ERBB4: variants seen among roughly 807,000 people sequenced by gnomAD.
ERBB4 encodes erb-b2 receptor tyrosine kinase 4, also known as receptor tyrosine-protein kinase erbB-4.
ERBB4 carries 42 observed loss-of-function variants against 158.0 expected under a neutral mutation model. The observed-to-expected ratio is 0.27, with a 90% CI of 0.21 to 0.34. The LOEUF is 0.34. Among genes scored for constraint, ERBB4 ranks in the 10% least tolerant of loss-of-function variants. The pLI, the probability that ERBB4 is intolerant of heterozygous loss-of-function variation, is 1.00. For missense variants in ERBB4, 1,333 were observed against 1,624.1 expected, an observed-to-expected ratio of 0.82 and a Z score of 3.08; for synonymous variants, 583 against 558.7, an observed-to-expected ratio of 1.04 and a Z score of -0.61.
At chr2:212,036,700 G>A (rs1053551651) in intron 2 of ERBB4, among the ~76,000 whole-genome samples, 2 of 152,048 alleles carry the variant, frequency 1.3e-5, no homozygotes, top group Admixed American at 1.3e-4. Flanking sequence ...TCCTGACCTC[G>A]TGATCCTCCC....
chr2:212,362,403 A>G (rs1465288933), intron 1 of ERBB4, among the ~76,000 whole-genome samples: 5 of 151,334 alleles, frequency 3.3e-5, no homozygotes, highest in African/African-American at 1.2e-4. Flanking sequence ...ATACTCACAC[A>G]TTATATTTTC....
chr2:211,818,021 T>G (rs1247879440), intron 3 of ERBB4, among the ~76,000 whole-genome samples: 1 of 152,226 alleles, frequency 6.6e-6, no homozygotes, highest in Non-Finnish European at 1.5e-5. Context: ...TCATTGACTC[T>G]GTATCTTAAT....
rs139068904 is a variant in ERBB4 at position 211,956,994 on chromosome 2, C to T, written c.235-9378G>A. 5.9e-4 allele frequency among the ~76,000 whole-genome samples: 90 copies of T among 152,026 alleles called. No individual in the cohort carries two copies. The East Asian group carries it at 0.015, about 26-fold the overall frequency. On this transcript the variant is annotated intron_variant, in intron 2 of 27. Coordinates refer to ENST00000342788, the MANE Select transcript of ERBB4 (RefSeq NM_005235.3). ...CTACAGCTACACAACACCACACCAA[C>T]CTAATTTTTTTTCCAGTAGAGATGG...
intron 2 of ERBB4, among the ~76,000 whole-genome samples, 180 bp from the exon 3 acceptor site, chr2:211,947,796 C>A (rs1265598944): frequency 6.6e-6 from 1 of 152,118 alleles, no homozygotes; most frequent in Non-Finnish European, 1.5e-5. Flanking sequence ...GGGTTAGAAT[C>A]TCATTTGAAG....
intron 1 of ERBB4, among the ~76,000 whole-genome samples, chr2:212,326,444 T>A (rs778210917): frequency 2.7e-5 from 4 of 150,622 alleles, no homozygotes; most frequent in Admixed American, 6.6e-5. Flanking sequence ...CCTGGCCAAA[T>A]ATTTGGTGAA....
intron 21 of ERBB4, among the ~76,000 whole-genome samples, chr2:211,429,934 T>C (rs1254522432): frequency 2.0e-5 from 3 of 152,166 alleles, no homozygotes; most frequent in Non-Finnish European, 4.4e-5. Flanking sequence ...TGAAGCCATG[T>C]GATTTATAGA....
chr2:211,716,988 T>C (rs2073939675), intron 7 of ERBB4, among the ~76,000 whole-genome samples: 1 of 152,192 alleles, frequency 6.6e-6, no homozygotes, highest in Non-Finnish European at 1.5e-5. Flanking sequence ...GTTGACAGCT[T>C]TCAGGTGAAT....
chr2:211,569,374 T>G (rs2067647038), intron 19 of ERBB4, among the ~76,000 whole-genome samples: 1 of 152,216 alleles, frequency 6.6e-6, no homozygotes, highest in Non-Finnish European at 1.5e-5. Context: ...TATTGAGAAC[T>G]TGCTAGGTGC....
chr2:212,464,536 A>G (rs1376561489), intron 1 of ERBB4, among the ~76,000 whole-genome samples: 1 of 152,118 alleles, frequency 6.6e-6, no homozygotes, highest in African/African-American at 2.4e-5. Flanking sequence ...GAACCAATAA[A>G]GAATTTAATT....
intron 4 of ERBB4, among the ~76,000 whole-genome samples, chr2:211,773,228 G>A (rs1365183578): frequency 2.0e-5 from 3 of 150,858 alleles, no homozygotes; most frequent in East Asian, 3.9e-4. Context: ...AGACCAGAGA[G>A]GTGAAGCTAT....
chr2:212,287,022 A>C (rs1233790685), intron 1 of ERBB4, among the ~76,000 whole-genome samples: 2 of 151,618 alleles, frequency 1.3e-5, no homozygotes, highest in Non-Finnish European at 2.9e-5. Context: ...TCTGAGAGAC[A>C]AGTAACCATA....
At chr2:211,752,125 G>T (rs937430220) in intron 4 of ERBB4, among the ~76,000 whole-genome samples, 7 of 151,954 alleles carry the variant, frequency 4.6e-5, no homozygotes, top group African/African-American at 1.7e-4. Context: ...ACTCCATCTG[G>T]CCTGAACAAT....
chr2:211,653,387 G>T (rs1293706861), intron 16 of ERBB4, among the ~76,000 whole-genome samples: 1 of 152,010 alleles, frequency 6.6e-6, no homozygotes, highest in Non-Finnish European at 1.5e-5. Flanking sequence ...GCTTGGGAAA[G>T]AATAACATTG....
In ERBB4 at chr2:211,569,291, G is replaced by A. The variant is rs373587925; in HGVS notation, c.2302-7203C>T. Among the ~76,000 whole-genome samples the A allele has an allele frequency of 4.6e-5, 7 of 151,966 alleles. No individual in the cohort carries two copies. The East Asian group carries it at 5.8e-4, about 13-fold the overall frequency. On this transcript the variant is annotated intron_variant, in intron 19 of 27. Coordinates refer to ENST00000342788, the MANE Select transcript of ERBB4 (RefSeq NM_005235.3). ...TTTTCCCTCTTTTTTCTTCCACTCC[G>A]GATTACACTGAAATTCCATCTTTAT... is the stretch of plus-strand genomic sequence containing the variant.
intron 3 of ERBB4, among the ~76,000 whole-genome samples, chr2:211,859,119 C>T (rs972124572): frequency 6.6e-6 from 1 of 152,124 alleles, no homozygotes. Flanking sequence ...TAATATTGTC[C>T]TCTGCCTCTG....
At chr2:211,888,535 C>T (rs2078865676) in intron 3 of ERBB4, among the ~76,000 whole-genome samples, 1 of 151,960 alleles carries the variant, frequency 6.6e-6, no homozygotes, top group Non-Finnish European at 1.5e-5. Context: ...CATTTCACGA[C>T]AGGGGAGGAG....
At chr2:211,433,003 A>G (rs567945065) in intron 20 of ERBB4, among the ~76,000 whole-genome samples, 38 of 152,308 alleles carry the variant, frequency 2.5e-4, no homozygotes, top group Non-Finnish European at 3.7e-4. Context: ...AAGCAGTACC[A>G]AGGCCTAAGT....
At chr2:212,009,595 A>C (rs2076337173) in intron 2 of ERBB4, among the ~76,000 whole-genome samples, 1 of 152,160 alleles carries the variant, frequency 6.6e-6, no homozygotes, top group Non-Finnish European at 1.5e-5. Context: ...ACCAAATCAA[A>C]ACCATTTTCA....
intron 2 of ERBB4, among the ~76,000 whole-genome samples, chr2:212,057,035 T>A (rs1409254710): frequency 6.6e-6 from 1 of 152,024 alleles, no homozygotes; most frequent in African/African-American, 2.4e-5. Flanking sequence ...AGGAGACCCA[T>A]CTCACGTGCA....
Sources: allele counts gnomAD v4.1 joint callset (sites outside exome capture counted in the v4.1 genomes callset), GRCh38; gene constraint gnomAD v4.1.1; transcripts MANE v1.5; gene names NCBI Gene and HGNC (gene_info 2026-07-23, HGNC 2026-07-21).